GLIS3: variants seen among roughly 807,000 people sequenced by gnomAD.
The protein encoded by GLIS3 is zinc finger protein GLIS3.
In GLIS3, 53 loss-of-function variants were observed where a neutral mutation model predicts 78.6. That is an observed-to-expected ratio of 0.67 (90% CI 0.54 to 0.85). The LOEUF is 0.85. Among genes scored for constraint, GLIS3 ranks in the 40% least tolerant of loss-of-function variants. The pLI is 0.00. For synonymous variants in GLIS3, 684 were observed against 509.9 expected (o/e 1.34, Z -4.60); for missense variants, 1,703 against 1,231.1 (o/e 1.38, Z -5.74).
intron 2 of GLIS3, among the ~76,000 whole-genome samples, chr9:4,169,867 T>C (rs975568812): frequency 6.6e-6 from 1 of 152,074 alleles, no homozygotes; most frequent in Non-Finnish European, 1.5e-5. Context: ...TATATCAAAA[T>C]TAAAACTTAA....
chr9:4,101,136 T>C (rs1038849424), intron 4 of GLIS3, among the ~76,000 whole-genome samples: 4 of 152,256 alleles, frequency 2.6e-5, no homozygotes, highest in African/African-American at 9.6e-5. Context: ...CAGTACTTAC[T>C]GGTGTATGAC....
chr9:3,851,943 G>A (rs1034190346), intron 9 of GLIS3, among the ~76,000 whole-genome samples: 1 of 152,146 alleles, frequency 6.6e-6, no homozygotes, highest in Non-Finnish European at 1.5e-5. Context: ...AGGAGTTTGA[G>A]ATCAGTCTAG....
At chr9:3,897,619 A>T (rs924534507) in intron 7 of GLIS3, among the ~76,000 whole-genome samples, 1 of 152,198 alleles carries the variant, frequency 6.6e-6, no homozygotes, top group Non-Finnish European at 1.5e-5. Context: ...GTAAGTGCTT[A>T]AAGCAACTGA....
intron 4 of GLIS3, among the ~76,000 whole-genome samples, chr9:3,953,795 C>CTCTCTATA (rs1403671770): frequency 2.1e-3 from 157 of 73,206 alleles, no homozygotes; most frequent in Admixed American, 6.2e-3. Context: ...CTCTCTCTCT[C>CTCTCTATA]TATATATATA....
intron 4 of GLIS3, chr9:4,071,661 G>T (rs1827625404): frequency 6.6e-6 from 1 of 152,166 alleles, no homozygotes; most frequent in Non-Finnish European, 1.5e-5. Flanking sequence ...CCCTTTAGGA[G>T]CTCTTACTAT....
chr9:4,062,088 C>G (rs1201888106), intron 4 of GLIS3, among the ~76,000 whole-genome samples: 1 of 152,236 alleles, frequency 6.6e-6, no homozygotes, highest in Non-Finnish European at 1.5e-5. Flanking sequence ...GACTGAATTA[C>G]TTCCTTGCCA....
chr9:4,201,515 T>C (rs1026156051), intron 2 of GLIS3, among the ~76,000 whole-genome samples: 12 of 152,118 alleles, frequency 7.9e-5, no homozygotes, highest in African/African-American at 2.9e-4. Context: ...TGTACAAAAG[T>C]CCGTAGTGTT....
At chr9:4,427,718 G>T in the GLIS3 span, among the ~76,000 whole-genome samples, 2 of 152,020 alleles carry the variant, frequency 1.3e-5, no homozygotes, top group African/African-American at 4.8e-5. Flanking sequence ...AAGTAGCCAG[G>T]TGTGGTGGTG....
At chr9:4,259,399 A>G (rs1377466781) in intron 2 of GLIS3, among the ~76,000 whole-genome samples, 1 of 152,098 alleles carries the variant, frequency 6.6e-6, no homozygotes, top group African/African-American at 2.4e-5. Context: ...CATGAAAAAC[A>G]CTGGAGAGTG....
rs548604436 is a variant in GLIS3 at position 3,824,162 on chromosome 9, A to G, written c.*4110T>C. The G allele has an allele frequency of 5.2e-5, 8 of 152,792 alleles. No individual in the cohort carries two copies. The South Asian group carries it at 1.2e-3, about 24-fold the overall frequency. 9.5% of individuals were successfully genotyped at this position (152,792 alleles called of 1,614,324 possible). Reference sequence around the variant, plus strand: ...AAAAGCTTTAATTAAATCTGATGAAATAAAACTTCATGTTTTATTTATGGA... The same window carrying G: ...AAAAGCTTTAATTAAATCTGATGAAGTAAAACTTCATGTTTTATTTATGGA... On this transcript the variant is annotated 3_prime_UTR_variant, in exon 11 of 11. Coordinates refer to ENST00000381971, the MANE Select transcript of GLIS3 (RefSeq NM_001042413.2).
At chr9:3,956,689 TTCC>T (rs552309148) in intron 4 of GLIS3, among the ~76,000 whole-genome samples, 81 of 152,334 alleles carry the variant, frequency 5.3e-4, no homozygotes, top group African/African-American at 1.9e-3. Flanking sequence ...TTGTATTTTT[TTCC>T]TCCTTTCATT....
chr9:3,839,583 C>CA (rs113301703), intron 9 of GLIS3, among the ~76,000 whole-genome samples: 26,330 of 140,616 alleles, frequency 0.19, 2,557 homozygotes, highest in African/African-American at 0.28. Flanking sequence ...AGTTTACAGC[C>CA]AAAAAAAAAA....
chr9:4,429,465 C>T, the GLIS3 span, among the ~76,000 whole-genome samples: 2 of 152,150 alleles, frequency 1.3e-5, no homozygotes, highest in African/African-American at 4.8e-5. Flanking sequence ...TTCAACTGAA[C>T]AATTTCTTCT....
the GLIS3 span, among the ~76,000 whole-genome samples, chr9:4,368,338 G>GTTTTTT: frequency 7.4e-6 from 1 of 135,184 alleles, no homozygotes; most frequent in African/African-American, 2.8e-5. Flanking sequence ...CAAGAACCCT[G>GTTTTTT]TTTTTTTTTT....
At chr9:3,854,097 C>T (rs940422430) in intron 9 of GLIS3, among the ~76,000 whole-genome samples, 1 of 152,204 alleles carries the variant, frequency 6.6e-6, no homozygotes, top group Non-Finnish European at 1.5e-5. Flanking sequence ...TCAGGCTGTG[C>T]ATCTACTGCC....
At chr9:4,132,603 G>A (rs1833060953) in intron 2 of GLIS3, among the ~76,000 whole-genome samples, 1 of 151,988 alleles carries the variant, frequency 6.6e-6, no homozygotes, top group Admixed American at 6.6e-5. Context: ...CACTAGCCAG[G>A]CAGTCCACAG....
At position 4,207,434 on chromosome 9, in the gene GLIS3, T is replaced by A. The variant is rs559254477; in HGVS notation, c.388+78604A>T. On this transcript the variant is annotated intron_variant, in intron 2 of 10. Transcript: ENST00000381971. ...GAAACATTTGCAGGATTAAAATGTG[T>A]ATTTTTTTCATTATGCCTTTACCTC... is the stretch of plus-strand genomic sequence containing the variant. 2.0e-5 allele frequency among the ~76,000 whole-genome samples: 3 copies of A among 152,350 alleles called. No individual in the cohort carries two copies. In the East Asian group the frequency reaches 5.8e-4, roughly 29 times the overall value.
chr9:4,409,580 G>A, the GLIS3 span, among the ~76,000 whole-genome samples: 1 of 152,104 alleles, frequency 6.6e-6, no homozygotes, highest in Admixed American at 6.5e-5. Context: ...CAATGAGAAT[G>A]ATTGTCACAG....
At chr9:4,320,775 A>G (rs1483411610) in intron 2 of GLIS3, among the ~76,000 whole-genome samples, 3 of 152,156 alleles carry the variant, frequency 2.0e-5, no homozygotes, top group Non-Finnish European at 4.4e-5. Context: ...TTTCAGCACC[A>G]TCACCACACT....
Sources: allele counts gnomAD v4.1 joint callset (sites outside exome capture counted in the v4.1 genomes callset), GRCh38; gene constraint gnomAD v4.1.1; transcripts MANE v1.5; gene names NCBI Gene and HGNC (gene_info 2026-07-23, HGNC 2026-07-21).